The following MTA3 variants were observed in gnomAD, a reference collection of about 807,000 sequenced individuals.
MTA3 encodes metastasis-associated protein MTA3.
MTA3 carries 34 observed loss-of-function variants against 83.5 expected under a neutral mutation model. The observed-to-expected ratio is 0.41, with a 90% CI of 0.31 to 0.54. The LOEUF (loss-of-function observed/expected upper bound fraction) is 0.54, where lower values mean the gene tolerates loss of function less well. Ranked by LOEUF, MTA3 falls within the 20% of genes least tolerant of loss-of-function variation. The probability of loss-of-function intolerance (pLI) is 0.33; values close to 1 mark genes in which losing one functional copy is unlikely to be tolerated. For synonymous variants in MTA3, 303 were observed against 252.7 expected (o/e 1.20, Z -1.89); for missense variants, 761 against 726.4 (o/e 1.05, Z -0.55).
At chr2:42,540,408 A>T (rs1362636598) in intron 2 of MTA3, among the ~76,000 whole-genome samples, 1 of 151,842 alleles carries the variant, frequency 6.6e-6, no homozygotes, top group African/African-American at 2.4e-5. Context: ...TCCTGGTCTC[A>T]AGCAATCCTC....
At chr2:42,569,183 G>A (rs979105645) in intron 1 of MTA3, among the ~76,000 whole-genome samples, 2 of 148,526 alleles carry the variant, frequency 1.3e-5, no homozygotes, top group African/African-American at 2.4e-5. Context: ...CACTCAGTGG[G>A]AGCCTGGGGT....
At chr2:42,710,014 GCCGTGCAGCTTTTGTT>G (rs1473956677) in intron 14 of MTA3, among the ~76,000 whole-genome samples, 1 of 152,158 alleles carries the variant, frequency 6.6e-6, no homozygotes, top group Non-Finnish European at 1.5e-5. Context: ...GCATGTTAGA[GCCGTGCAGCTTTTGTT>G]CCTTAAGGGG....
chr2:42,591,823 G>A (rs1428561155), intron 3 of MTA3, among the ~76,000 whole-genome samples: 2 of 152,020 alleles, frequency 1.3e-5, no homozygotes, highest in African/African-American at 4.8e-5. Context: ...GCTAATTTTT[G>A]TATTTTTAGT....
chr2:42,586,477 A>AACACACACACACACACACAC (rs573814961), intron 3 of MTA3, among the ~76,000 whole-genome samples: 7 of 72,714 alleles, frequency 9.6e-5, no homozygotes, highest in African/African-American at 4.2e-4. Context: ...AAGGAAGGAA[A>AACACACACACACACACACAC]ACACACACAC....
At chr2:42,709,616 G>A (rs1666428587) in intron 14 of MTA3, 1 of 152,426 alleles carries the variant, frequency 6.6e-6, no homozygotes, top group Non-Finnish European at 1.5e-5. Flanking sequence ...ACAACATTAT[G>A]GAAATTCACC....
At chr2:42,552,377 C>T (rs1296009961) in intron 2 of MTA3, among the ~76,000 whole-genome samples, 1 of 152,128 alleles carries the variant, frequency 6.6e-6, no homozygotes, top group East Asian at 1.9e-4. Context: ...AATCTGAGCT[C>T]ATCAGCAAAT....
At chr2:42,676,148 G>T (rs1691335220) in intron 8 of MTA3, among the ~76,000 whole-genome samples, 2 of 152,146 alleles carry the variant, frequency 1.3e-5, no homozygotes, top group Admixed American at 1.3e-4. Flanking sequence ...GACAGTACAG[G>T]AGCTCCTCCT....
At chr2:42,514,300 TG>T (rs1370945031) in intron 2 of MTA3, among the ~76,000 whole-genome samples, 1 of 152,226 alleles carries the variant, frequency 6.6e-6, no homozygotes, top group Non-Finnish European at 1.5e-5. Flanking sequence ...AATTGTGCTT[TG>T]TTAGCTCACT....
chr2:42,659,155 C>T, intron 7 of MTA3, among the ~76,000 whole-genome samples: 1 of 151,970 alleles, frequency 6.6e-6, no homozygotes, highest in East Asian at 1.9e-4. Context: ...GTTTAAAATA[C>T]AGGCAGGAAA....
chr2:42,638,394 CT>C (rs1240902591), intron 4 of MTA3, among the ~76,000 whole-genome samples: 160 of 144,400 alleles, frequency 1.1e-3, no homozygotes, highest in Admixed American at 1.1e-3. Flanking sequence ...GTTACCTTTT[CT>C]TTTTTTTTTT....
intron 2 of MTA3, among the ~76,000 whole-genome samples, chr2:42,545,912 T>G (rs1484081137): frequency 6.6e-6 from 1 of 152,202 alleles, no homozygotes; most frequent in Non-Finnish European, 1.5e-5. Flanking sequence ...ATTCTGGTTA[T>G]TGAAATTCTC....
chr2:42,616,356 C>T (rs989543077), intron 4 of MTA3, among the ~76,000 whole-genome samples: 42 of 151,578 alleles, frequency 2.8e-4, no homozygotes, highest in Non-Finnish European at 5.7e-4. Flanking sequence ...AGCCATTGCA[C>T]GCCTGGCCTA....
chr2:42,546,136 AG>A lies in MTA3; in HGVS notation c.-140-24300del, dbSNP rs112710440. ...GAGGGAGGACCTTAGATTTTTAATA[AG>A]AAACCATTAACTTCAGCTAACAGCA... On this transcript the variant is annotated intron_variant, in intron 2 of 17. Transcript: ENST00000405592. 9.2e-5 allele frequency among the ~76,000 whole-genome samples: 14 copies of A among 152,312 alleles called. 1 individual carries two copies. Among genetic ancestry groups the A allele is most frequent in the African/African-American group, 3.4e-4 (14 of 41,570 alleles).
chr2:42,662,619 A>G (rs1298488551), intron 8 of MTA3, among the ~76,000 whole-genome samples: 1 of 151,788 alleles, frequency 6.6e-6, no homozygotes, highest in Non-Finnish European at 1.5e-5. Flanking sequence ...TTCCCTGTGC[A>G]AGCACCACAT....
At chr2:42,689,415 C>G (rs1014162932) in intron 9 of MTA3, among the ~76,000 whole-genome samples, 1 of 152,192 alleles carries the variant, frequency 6.6e-6, no homozygotes, top group Non-Finnish European at 1.5e-5. Flanking sequence ...ATGATGGCTA[C>G]TTAGAATGAG....
At chr2:42,724,920 C>T (rs961492985) in intron 16 of MTA3, among the ~76,000 whole-genome samples, 2 of 152,310 alleles carry the variant, frequency 1.3e-5, no homozygotes, top group African/African-American at 2.4e-5. Flanking sequence ...AAGGAATGGA[C>T]GGGGCACACA....
chr2:42,719,791 T>G (rs1279469930), intron 15 of MTA3, among the ~76,000 whole-genome samples: 2 of 152,244 alleles, frequency 1.3e-5, no homozygotes, highest in Admixed American at 6.5e-5. Flanking sequence ...TAGCTCCATT[T>G]TTATGTTGAA....
In MTA3 at chr2:42,536,406, C is replaced by T. The variant is rs190537334; in HGVS notation, c.-140-34031C>T. On this transcript the variant is annotated intron_variant, in intron 2 of 17. Transcript: ENST00000405592. ...AGGAGAATTGCTTGAACCTGGGAGG[C>T]GGAGGTTGCAGTGAGCTGAGATCTC... Among the ~76,000 whole-genome samples, 8 of 150,310 alleles carry T rather than the reference C, an allele frequency of 5.3e-5. No homozygotes were observed. In the East Asian group the frequency reaches 8.0e-4, roughly 15 times the overall value.
intron 12 of MTA3, among the ~76,000 whole-genome samples, chr2:42,707,563 C>G (rs967241624): frequency 1.3e-5 from 2 of 152,094 alleles, no homozygotes; most frequent in African/African-American, 2.4e-5. Flanking sequence ...TTTTTAAATA[C>G]TACCATCTTT....
Sources: allele counts gnomAD v4.1 joint callset (sites outside exome capture counted in the v4.1 genomes callset), GRCh38; gene constraint gnomAD v4.1.1; transcripts MANE v1.5; gene names NCBI Gene and HGNC (gene_info 2026-07-23, HGNC 2026-07-21).